The following RANBP3 variants were observed in gnomAD, a reference collection of about 807,000 sequenced individuals.
RANBP3 encodes the protein RAN binding protein 3.
Under a neutral mutation model 77.3 loss-of-function variants are expected in RANBP3, and 14 were observed. The observed-to-expected ratio is 0.18, with a 90% confidence interval of 0.12 to 0.28. RANBP3 has a LOEUF of 0.28. RANBP3 is among the 10% of genes least tolerant of loss of function. The pLI, the probability that RANBP3 is intolerant of heterozygous loss-of-function variation, is 1.00. For synonymous variants in RANBP3, 315 were observed against 312.4 expected (o/e 1.01, Z -0.09); for missense variants, 586 against 752.3 (o/e 0.78, Z 2.59).
In RANBP3 at chr19:5,924,477, C is replaced by A. The variant is rs910787955; in HGVS notation, c.996+350G>T. 6.6e-6 allele frequency among the ~76,000 whole-genome samples: 1 copy of A among 152,252 alleles called. No homozygotes were observed. The highest frequency in any genetic ancestry group is 2.4e-5 in the African/African-American group (1 of 41,468). On this transcript the variant is annotated intron_variant, in intron 11 of 16. Coordinates refer to ENST00000340578, the MANE Select transcript of RANBP3 (RefSeq NM_007322.3). The surrounding 1 kb of genome is among the most constrained non-coding windows in gnomAD (Gnocchi z 4.7). ...AGGCCAGCAACCCTGTCCACCAGCA[C>A]GGCTGGCTCCGTCCCACAGGACTTT... is the stretch of plus-strand genomic sequence containing the variant.
In RANBP3 at chr19:5,921,131, C is replaced by T. The variant is rs1387743658; in HGVS notation, c.1330+70G>A. 1 of 1,538,558 alleles carries T rather than the reference C, an allele frequency of 6.5e-7. No individual in the cohort carries two copies. Among genetic ancestry groups the T allele is most frequent in the Non-Finnish European group, 8.8e-7 (1 of 1,139,650 alleles). On this transcript the variant is annotated intron_variant, in intron 14 of 16. Coordinates refer to ENST00000340578, the MANE Select transcript of RANBP3 (RefSeq NM_007322.3). The surrounding 1 kb of genome is among the most constrained non-coding windows in gnomAD (Gnocchi z 5.3). ...GTCAGGATCTCCCCCGCTTCATTCC[C>T]TTTGGAATTGCATAGTCCCCAGCCC...
At position 5,951,572 on chromosome 19, in the gene RANBP3, A is replaced by G; in HGVS notation, c.103T>C (p.Ser35Pro). The change falls in exon 3 of 17, where the codon TCG (serine) becomes CCG (proline). Residue 35 changes from serine to proline, a missense_variant. By Grantham distance (74) the Ser-to-Pro change is moderately conservative. Coordinates refer to ENST00000340578, the MANE Select transcript of RANBP3 (RefSeq NM_007322.3). Reference sequence around the variant, plus strand: ...CCCCGAGGCTCCTCTCCCGAATCCGACAAGTTTTTTTGCTCTGCAGGGGAC... The same window carrying G: ...CCCCGAGGCTCCTCTCCCGAATCCGGCAAGTTTTTTTGCTCTGCAGGGGAC... ...QKSPAEQKNLSDSGEEPRGEA... is the reference protein window; with the variant it reads ...QKSPAEQKNLPDSGEEPRGEA... The G allele has an allele frequency of 6.2e-7, 1 of 1,613,748 alleles. No homozygotes were observed. Among genetic ancestry groups the G allele is most frequent in the East Asian group, 2.2e-5 (1 of 44,880 alleles).
intron 10 of RANBP3, chr19:5,925,203 C>G: frequency 2.0e-6 from 1 of 499,610 alleles, no homozygotes; most frequent in Non-Finnish European, 3.7e-6. Flanking sequence ...CCTGGAGGGG[C>G]AGCTGGTCCG....
At position 5,951,248 on chromosome 19, in the gene RANBP3, TG is replaced by T. The variant is rs144605639; in HGVS notation, c.282+144del. 1.2e-3 allele frequency: 994 copies of T among 817,942 alleles called. 10 individuals are homozygous for T. In the African/African-American group the frequency reaches 0.015, roughly 12 times the overall value. The allele number at this position is 817,942 out of a possible 1,614,324, so 50.7% of individuals were successfully genotyped here. ...TTCAGCAGCATGAATTAAAGCGAGCTGGAAGAAATCCTTGTCATCTTTTAAG... is the reference window on the plus strand; with the variant it reads ...TTCAGCAGCATGAATTAAAGCGAGCTGAAGAAATCCTTGTCATCTTTTAAG... On this transcript the variant is annotated intron_variant, in intron 3 of 16. Transcript: ENST00000340578.
chr19:5,941,005 G>C (rs1246335887), intron 5 of RANBP3, among the ~76,000 whole-genome samples: 1 of 152,242 alleles, frequency 6.6e-6, no homozygotes, highest in African/African-American at 2.4e-5. Flanking sequence ...CTCAGACCAG[G>C]CCTCACGTCC....
At chr19:5,920,273 T>C (rs1160259408) in intron 14 of RANBP3, among the ~76,000 whole-genome samples, 2 of 151,898 alleles carry the variant, frequency 1.3e-5, no homozygotes, top group African/African-American at 4.8e-5. Context: ...TGGTGGTGCA[T>C]CTGTAGTCCC....
chr19:5,920,316 T>A (rs1468424757), intron 14 of RANBP3, among the ~76,000 whole-genome samples: 1 of 152,156 alleles, frequency 6.6e-6, no homozygotes, highest in East Asian at 1.9e-4. Flanking sequence ...GGAGGATCAC[T>A]TGAGCCCAGG....
Position 5,923,823 on chromosome 19 carries a change from G to A in RANBP3, c.1088C>T (p.Thr363Ile), listed in dbSNP as rs779589638. 2 of 1,612,614 alleles carry A rather than the reference G, an allele frequency of 1.2e-6. No individual in the cohort carries two copies. The highest frequency in any genetic ancestry group is 1.1e-5 in the South Asian group (1 of 91,044). Residue 363 changes from threonine (T) to isoleucine (I), a missense_variant, in exon 12 of 17, where the codon ACC becomes ATC. Coordinates refer to ENST00000340578, the MANE Select transcript of RANBP3 (RefSeq NM_007322.3). ...GGACGCTAACATACCTTTCTCAGGG[G>A]TGGCCTCCTGGGACGAGGACTCAGA... ...SGSESSSQEATPEKESLAESA... is the reference protein window; with the variant it reads ...SGSESSSQEAIPEKESLAESA...
At position 5,957,693 on chromosome 19, in the gene RANBP3, C is replaced by G. The variant is rs571296470; in HGVS notation, c.78+225G>C. Among the ~76,000 whole-genome samples the G allele has an allele frequency of 1.1e-4, 16 of 152,102 alleles. 1 individual carries two copies. Among genetic ancestry groups the G allele is most frequent in the African/African-American group, 3.9e-4 (16 of 41,400 alleles). Reference sequence around the variant, plus strand: ...ATACCGTTTCAACAAACTGTACTCTCTGAGCCCTTTCCACAACAGACCCAT... The same window carrying G: ...ATACCGTTTCAACAAACTGTACTCTGTGAGCCCTTTCCACAACAGACCCAT... On this transcript the variant is annotated intron_variant, in intron 2 of 16. Coordinates refer to ENST00000340578, the MANE Select transcript of RANBP3 (RefSeq NM_007322.3).
chr19:5,958,060 T>G lies in RANBP3; in HGVS notation c.23-87A>C. 8.3e-7 allele frequency: 1 copy of G among 1,202,708 alleles called. No individual in the cohort carries two copies. The highest frequency in any genetic ancestry group is 1.3e-5 in the South Asian group (1 of 78,634). The allele number at this position is 1,202,708 out of a possible 1,614,324, so 74.5% of individuals were successfully genotyped here. On this transcript the variant is annotated intron_variant, in intron 1 of 16. Transcript: ENST00000340578. This position sits in a 1 kb window ranked among gnomAD's most constrained non-coding sequence, Gnocchi z 4.4. ...ACACTTGTTTGTAATATGTTAAACA[T>G]ATATATAAATGAAACTAGTAACTCC...
rs2057740233 is a variant in RANBP3 at position 5,916,537 on chromosome 19, G to C, written c.*1073C>G. 1 of 152,340 alleles carries C rather than the reference G, an allele frequency of 6.6e-6. No homozygotes were observed. The highest frequency in any genetic ancestry group is 2.1e-4 in the South Asian group (1 of 4,836). 9.4% of individuals were successfully genotyped at this position (152,340 alleles called of 1,614,324 possible). ...CGGGTGGGCACAGGCGTCCACTCCA[G>C]TGTGCTGCGTGCTTGTGAGACTGCC... is the stretch of plus-strand genomic sequence containing the variant. On this transcript the variant is annotated 3_prime_UTR_variant, in exon 17 of 17. Coordinates refer to ENST00000340578, the MANE Select transcript of RANBP3 (RefSeq NM_007322.3).
At chr19:5,950,123 A>G (rs2058256847) in intron 3 of RANBP3, among the ~76,000 whole-genome samples, 1 of 152,164 alleles carries the variant, frequency 6.6e-6, no homozygotes, top group Non-Finnish European at 1.5e-5. Flanking sequence ...ACTCAGGAGA[A>G]GTTTCCGGCA....
chr19:5,966,088 C>T (rs867726587), intron 1 of RANBP3, among the ~76,000 whole-genome samples: 7 of 152,250 alleles, frequency 4.6e-5, no homozygotes, highest in African/African-American at 1.2e-4. Context: ...GAGGAGTTAC[C>T]TGGACTCCAG....
chr19:5,922,613 G>C (rs762816626), intron 13 of RANBP3, among the ~76,000 whole-genome samples: 1 of 152,218 alleles, frequency 6.6e-6, no homozygotes, highest in African/African-American at 2.4e-5. Flanking sequence ...GAATATGTTT[G>C]GTATGACAGT....
chr19:5,972,513 G>T (rs2058542359), intron 1 of RANBP3, among the ~76,000 whole-genome samples: 1 of 152,126 alleles, frequency 6.6e-6, no homozygotes, highest in Non-Finnish European at 1.5e-5. Context: ...AATAGATAAT[G>T]ATGCAAGCCC....
rs570396842 is a variant in RANBP3 at position 5,944,019 on chromosome 19, C to T, written c.283-2184G>A. Among the ~76,000 whole-genome samples the T allele has an allele frequency of 6.6e-5, 10 of 151,800 alleles. No individual in the cohort carries two copies. In the East Asian group the frequency reaches 7.7e-4, roughly 12 times the overall value. ...CTCTGCCATTTTCTACGGGTGAAAC[C>T]TTACCTTGCCCAGCCTTCGGTCTCC... is the stretch of plus-strand genomic sequence containing the variant. On this transcript the variant is annotated intron_variant, in intron 3 of 16. Coordinates refer to ENST00000340578, the MANE Select transcript of RANBP3 (RefSeq NM_007322.3).
intron 5 of RANBP3, among the ~76,000 whole-genome samples, chr19:5,938,492 C>A (rs2058094028): frequency 6.6e-6 from 1 of 152,126 alleles, no homozygotes; most frequent in African/African-American, 2.4e-5. Flanking sequence ...GAGTTCGAGA[C>A]CAGCCTGGCC....
chr19:5,917,255 A>T lies in RANBP3; in HGVS notation c.*355T>A. Reference sequence around the variant, plus strand: ...GAAGGGTGTGGGTGGCGGAGAAGCCAGGGGCTCTGGCTGGACCCAGAGGCT... The same window carrying T: ...GAAGGGTGTGGGTGGCGGAGAAGCCTGGGGCTCTGGCTGGACCCAGAGGCT... On this transcript the variant is annotated 3_prime_UTR_variant, in exon 17 of 17. Coordinates refer to ENST00000340578, the MANE Select transcript of RANBP3 (RefSeq NM_007322.3). 1 of 361,652 alleles carries T rather than the reference A, an allele frequency of 2.8e-6. No individual in the cohort carries two copies. The allele number at this position is 361,652 out of a possible 1,614,324, so 22.4% of individuals were successfully genotyped here.
intron 1 of RANBP3, among the ~76,000 whole-genome samples, chr19:5,968,828 C>A (rs979921484): frequency 6.6e-6 from 1 of 152,178 alleles, no homozygotes; most frequent in African/African-American, 2.4e-5. Flanking sequence ...CCACTGGAGA[C>A]AGGAAAGAAA....
Sources: gnomAD v4.1 joint callset for allele counts (sites outside exome capture counted in the v4.1 genomes callset) on GRCh38, gnomAD v4.1.1 for gene constraint, Gnocchi (gnomAD v3.1) non-coding constraint, MANE v1.5 for transcripts, NCBI Gene and HGNC (gene_info 2026-07-23, HGNC 2026-07-21) for gene names.